USH2A: variants seen among roughly 807,000 people sequenced by gnomAD.
USH2A encodes the protein usherin.
A neutral mutation model predicts 538.9 loss-of-function variants in USH2A; 443 were observed. That is an observed-to-expected ratio of 0.82 (90% CI 0.76 to 0.89). USH2A has a LOEUF of 0.89. Among genes scored for constraint, USH2A ranks in the 40% least tolerant of loss-of-function variants. The pLI is 0.00. For synonymous variants in USH2A, 2,413 were observed against 2,273.5 expected, an observed-to-expected ratio of 1.06 and a Z score of -1.75; for missense variants, 6,633 against 6,324.8, an observed-to-expected ratio of 1.05 and a Z score of -1.65.
intron 30 of USH2A, among the ~76,000 whole-genome samples, chr1:216,066,700 A>G (rs1005626464): frequency 6.6e-6 from 1 of 152,194 alleles, no homozygotes; most frequent in Non-Finnish European, 1.5e-5. Flanking sequence ...GAAGGATTTT[A>G]AAGCAAACAG....
intron 3 of USH2A, among the ~76,000 whole-genome samples, chr1:216,406,333 A>T (rs1352009864): frequency 6.6e-6 from 1 of 152,184 alleles, no homozygotes; most frequent in Non-Finnish European, 1.5e-5. Context: ...AGTGCCTGTG[A>T]ACCTACAATT....
intron 36 of USH2A, among the ~76,000 whole-genome samples, chr1:215,968,234 T>C (rs1045617146): frequency 6.6e-6 from 1 of 152,182 alleles, no homozygotes; most frequent in Admixed American, 6.6e-5. Context: ...TTCAAAGGCT[T>C]TGTCAATTGT....
At position 215,734,488 on chromosome 1, in the gene USH2A, G is replaced by T. The variant is rs555065786; in HGVS notation, c.11712-6104C>A. Reference sequence around the variant, plus strand: ...GTGATGCTAGTCTCTCTTGAAAGTGGTCACTCCACAGTCTGCTTGAATTCT... The same window carrying T: ...GTGATGCTAGTCTCTCTTGAAAGTGTTCACTCCACAGTCTGCTTGAATTCT... On this transcript the variant is annotated intron_variant, in intron 60 of 71. Coordinates refer to ENST00000307340, the MANE Select transcript of USH2A (RefSeq NM_206933.4). 7.9e-5 allele frequency among the ~76,000 whole-genome samples: 12 copies of T among 152,270 alleles called. No individual in the cohort carries two copies. In the South Asian group the frequency reaches 1.5e-3, roughly 18 times the overall value.
intron 37 of USH2A, among the ~76,000 whole-genome samples, chr1:215,957,491 T>C (rs1278849418): frequency 1.3e-5 from 2 of 152,240 alleles, no homozygotes; most frequent in African/African-American, 4.8e-5. Context: ...CTTGCTGCTT[T>C]AGACTTTAAC....
intron 21 of USH2A, among the ~76,000 whole-genome samples, chr1:216,106,113 G>A (rs1345981582): frequency 6.7e-6 from 1 of 148,620 alleles, no homozygotes; most frequent in Non-Finnish European, 1.5e-5. Flanking sequence ...AAGTTTGAAC[G>A]AAAACTTGAT....
intron 32 of USH2A, among the ~76,000 whole-genome samples, chr1:216,036,546 TC>T (rs777163648): frequency 3.3e-5 from 5 of 152,186 alleles, no homozygotes; most frequent in Non-Finnish European, 5.9e-5. Flanking sequence ...TAAATATTTT[TC>T]TACAGCATCA....
At chr1:215,835,807 T>G (rs577545104) in intron 47 of USH2A, among the ~76,000 whole-genome samples, 1 of 152,318 alleles carries the variant, frequency 6.6e-6, no homozygotes, top group Non-Finnish European at 1.5e-5. Context: ...ATTTCTCCAC[T>G]GTATTAAATC....
At chr1:215,628,317 C>T (rs1656131275) in intron 71 of USH2A, among the ~76,000 whole-genome samples, 1 of 152,080 alleles carries the variant, frequency 6.6e-6, no homozygotes, top group South Asian at 2.1e-4. Flanking sequence ...GATGGAGTCT[C>T]TGTCACCCAG....
At chr1:216,396,481 C>T (rs1010318383) in intron 3 of USH2A, among the ~76,000 whole-genome samples, 6 of 152,118 alleles carry the variant, frequency 3.9e-5, no homozygotes, top group African/African-American at 1.4e-4. Flanking sequence ...AAATTAACAA[C>T]AGCCCATAAT....
rs527236135 is a variant in USH2A, at chr1:216,231,963, G to A, written c.2983C>T (p.Gln995Ter). ...CKDHYFGFDPQTGRCQPCNCH... is the reference protein window; with the variant it reads ...CKDHYFGFDP ...CTTATAAAGATGTACCTTCCAGTCT[G>A]AGGATCAAATCCAAAGTAATGGTCT... Residue 995 changes from glutamine (Q) to a stop codon, truncating the protein, a stop_gained, in exon 14 of 72, where the codon CAG becomes TAG. Transcript: ENST00000307340. LOFTEE classifies it high-confidence loss of function. 6.2e-7 allele frequency: 1 copy of A among 1,613,986 alleles called. No individual in the cohort carries two copies. The highest frequency in any genetic ancestry group is 1.3e-5 in the African/African-American group (1 of 75,064).
intron 26 of USH2A, among the ~76,000 whole-genome samples, chr1:216,082,774 A>G (rs2102558968): frequency 6.6e-6 from 1 of 152,266 alleles, no homozygotes; most frequent in South Asian, 2.1e-4. Flanking sequence ...CATCATTGGT[A>G]AGAGAAGAGA....
rs759255743 is a variant in USH2A at position 215,798,952 on chromosome 1, C to CT, written c.9912dup (p.Glu3305ArgfsTer41). The stretch of plus-strand genomic sequence containing the variant: ...ACTCCTTCTTCTCCACCACAACACT[C>CT]TAAATCGTTGCTCACAATCTGTCTG... On this transcript the variant is annotated frameshift_variant, in exon 50 of 72. Coordinates refer to ENST00000307340, the MANE Select transcript of USH2A (RefSeq NM_206933.4). LOFTEE classifies it high-confidence loss of function. 26 of 1,614,140 alleles carry CT rather than the reference C, an allele frequency of 1.6e-5. No homozygotes were observed. Among genetic ancestry groups the CT allele is most frequent in the Non-Finnish European group, 2.2e-5 (26 of 1,180,010 alleles).
chr1:215,752,668 G>A (rs1301208909), intron 58 of USH2A, among the ~76,000 whole-genome samples: 1 of 152,156 alleles, frequency 6.6e-6, no homozygotes, highest in South Asian at 2.1e-4. Context: ...CCCTTCAGGG[G>A]CTCACCACTT....
chr1:216,164,053 G>A (rs757447959), intron 21 of USH2A, among the ~76,000 whole-genome samples: 30 of 152,056 alleles, frequency 2.0e-4, no homozygotes, highest in Non-Finnish European at 3.1e-4. Flanking sequence ...TTAATTACAT[G>A]TTTGATGCAT....
chr1:215,992,779 A>G (rs922284993), intron 35 of USH2A, among the ~76,000 whole-genome samples: 3 of 152,160 alleles, frequency 2.0e-5, no homozygotes, highest in Admixed American at 2.0e-4. Flanking sequence ...CTCCTGGAGC[A>G]TATTAAACAA....
chr1:215,630,521 TATATATGA>T (rs1273399590), intron 70 of USH2A, among the ~76,000 whole-genome samples: 7 of 116,166 alleles, frequency 6.0e-5, no homozygotes, highest in African/African-American at 1.6e-4. Context: ...TATATATATA[TATATATGA>T]GAGAGAGAAA....
chr1:216,053,822 G>A (rs758032494), intron 30 of USH2A, among the ~76,000 whole-genome samples: 19 of 152,174 alleles, frequency 1.2e-4, no homozygotes, highest in Non-Finnish European at 2.2e-4. Context: ...AGTCAAGTAA[G>A]TAGATTCCCT....
intron 21 of USH2A, among the ~76,000 whole-genome samples, chr1:216,132,188 T>G (rs1337592453): frequency 6.6e-6 from 1 of 152,138 alleles, no homozygotes; most frequent in African/African-American, 2.4e-5. Context: ...TTACTTGTCT[T>G]TCTAATCTCT....
Position 215,786,708 on chromosome 1 carries a change from G to A in USH2A, c.10349C>T (p.Thr3450Ile), listed in dbSNP as rs1258795721. ...IEEMCSSAEE[T>I]IHTGSVNTYS... is the part of the protein sequence containing the mutation. ...CGTGTTTACACTCCCTGTATGAATG[G>A]TTTCTTCGGCAGATGAACACATTTC... The change falls in exon 52 of 72, where the codon ACC becomes ATC. Residue 3450 changes from threonine (T) to isoleucine (I), a missense_variant. Transcript: ENST00000307340. 2 of 1,613,988 alleles carry A rather than the reference G, an allele frequency of 1.2e-6. No individual in the cohort carries two copies. The highest frequency in any genetic ancestry group is 2.2e-5 in the East Asian group (1 of 44,876).
Sources: allele counts gnomAD v4.1 joint callset (sites outside exome capture counted in the v4.1 genomes callset), GRCh38; gene constraint gnomAD v4.1.1; transcripts MANE v1.5; gene names NCBI Gene and HGNC (gene_info 2026-07-23, HGNC 2026-07-21).